The following GRID2 variants were observed in gnomAD, a reference collection of about 807,000 sequenced individuals.
GRID2 encodes glutamate ionotropic receptor delta type subunit 2.
GRID2 carries 33 observed loss-of-function variants against 114.8 expected under a neutral mutation model. That is an observed-to-expected ratio of 0.29 (90% CI 0.22 to 0.38). The LOEUF is 0.38. Among genes scored for constraint, GRID2 ranks in the 10% least tolerant of loss-of-function variants. The pLI, the probability that GRID2 is intolerant of heterozygous loss-of-function variation, is 1.00. For missense variants in GRID2, 1,184 were observed against 1,257.7 expected, an observed-to-expected ratio of 0.94 and a Z score of 0.89; for synonymous variants, 505 against 449.9, an observed-to-expected ratio of 1.12 and a Z score of -1.55.
At chr4:93,186,755 T>G (rs1174115874) in intron 4 of GRID2, among the ~76,000 whole-genome samples, 15 of 152,242 alleles carry the variant, frequency 9.9e-5, no homozygotes, top group Admixed American at 9.8e-4. Context: ...CACATGAAGT[T>G]ACCCTTACCC....
At chr4:93,116,829 C>A (rs1733313936) in intron 4 of GRID2, among the ~76,000 whole-genome samples, 1 of 151,662 alleles carries the variant, frequency 6.6e-6, no homozygotes, top group Non-Finnish European at 1.5e-5. Context: ...CTGTTGGCCA[C>A]AAGTTCAATG....
intron 2 of GRID2, among the ~76,000 whole-genome samples, chr4:93,044,919 C>A (rs1184786793): frequency 6.6e-6 from 1 of 152,038 alleles, no homozygotes; most frequent in Non-Finnish European, 1.5e-5. Context: ...CTTTAGGACA[C>A]TCAGAAAAGA....
At chr4:92,645,956 A>G (rs893228206) in intron 2 of GRID2, among the ~76,000 whole-genome samples, 10 of 151,770 alleles carry the variant, frequency 6.6e-5, no homozygotes, top group Non-Finnish European at 1.0e-4. Context: ...AAACGCATTC[A>G]CTTTTCTTGC....
At position 92,996,312 on chromosome 4, in the gene GRID2, A is replaced by T. The variant is rs187685673; in HGVS notation, c.245-88683A>T. On this transcript the variant is annotated intron_variant, in intron 2 of 15. Transcript: ENST00000282020. ...CTCTTTCTAAAAAAAAAAATAAAAA[A>T]AATAAAAAATAATAATCTTATTTCG... Among the ~76,000 whole-genome samples, 671 of 152,152 alleles carry T rather than the reference A, an allele frequency of 4.4e-3. 18 individuals carry two copies. The East Asian group carries it at 0.057, about 13-fold the overall frequency.
chr4:92,695,706 T>C (rs375280731), intron 2 of GRID2, among the ~76,000 whole-genome samples: 25 of 152,314 alleles, frequency 1.6e-4, no homozygotes, highest in African/African-American at 5.5e-4. Flanking sequence ...TCTTTTCCTA[T>C]GTTCATTGGA....
intron 1 of GRID2, among the ~76,000 whole-genome samples, chr4:92,544,634 C>A (rs1726148698): frequency 6.6e-6 from 1 of 152,106 alleles, no homozygotes; most frequent in South Asian, 2.1e-4. Flanking sequence ...TCAGCCTTTT[C>A]ATTTCCAGAA....
chr4:93,390,584 C>T (rs1386728230), intron 8 of GRID2, among the ~76,000 whole-genome samples: 2 of 152,116 alleles, frequency 1.3e-5, no homozygotes, highest in Non-Finnish European at 2.9e-5. Flanking sequence ...CTCAATCAGT[C>T]TTCTTCTAGA....
intron 2 of GRID2, among the ~76,000 whole-genome samples, chr4:92,868,532 T>C (rs1745062182): frequency 6.6e-6 from 1 of 152,168 alleles, no homozygotes; most frequent in Admixed American, 6.5e-5. Flanking sequence ...AAGATTAAAA[T>C]AGAAACAAGT....
chr4:92,305,646 T>G (rs991808075), intron 1 of GRID2, among the ~76,000 whole-genome samples: 8 of 151,944 alleles, frequency 5.3e-5, no homozygotes, highest in Non-Finnish European at 7.4e-5. Context: ...GAGATGCTGG[T>G]GGCCCCACCT....
chr4:93,572,248 A>G (rs1332449813), intron 13 of GRID2, among the ~76,000 whole-genome samples: 2 of 152,120 alleles, frequency 1.3e-5, no homozygotes, highest in Non-Finnish European at 2.9e-5. Context: ...TGTGTAATTC[A>G]CCCTTTCAAA....
intron 2 of GRID2, among the ~76,000 whole-genome samples, chr4:92,649,959 T>C (rs2149260914): frequency 6.6e-6 from 1 of 152,100 alleles, no homozygotes; most frequent in Non-Finnish European, 1.5e-5. Context: ...AAAGGGTTTA[T>C]CAGACATAAC....
At chr4:93,414,422 C>T (rs1580002580) in intron 9 of GRID2, among the ~76,000 whole-genome samples, 1 of 152,096 alleles carries the variant, frequency 6.6e-6, no homozygotes, top group Non-Finnish European at 1.5e-5. Context: ...TGAAGCTCTG[C>T]CCCATCCAAA....
intron 12 of GRID2, among the ~76,000 whole-genome samples, chr4:93,495,256 A>G (rs2149465831): frequency 6.6e-6 from 1 of 151,982 alleles, no homozygotes; most frequent in East Asian, 1.9e-4. Context: ...TGATACAGAA[A>G]GAGATCCATA....
chr4:92,653,696 C>A (rs1052879692), intron 2 of GRID2, among the ~76,000 whole-genome samples: 3 of 152,036 alleles, frequency 2.0e-5, no homozygotes, highest in African/African-American at 4.8e-5. Context: ...AGCTATAAAA[C>A]AATAGTGAGC....
chr4:92,908,417 G>C (rs900036317), intron 2 of GRID2, among the ~76,000 whole-genome samples: 1 of 152,040 alleles, frequency 6.6e-6, no homozygotes, highest in Middle Eastern at 3.2e-3. Flanking sequence ...CAAAGACACT[G>C]AAAAGCAAGA....
At chr4:92,877,840 G>A (rs1415594996) in intron 2 of GRID2, among the ~76,000 whole-genome samples, 1 of 152,092 alleles carries the variant, frequency 6.6e-6, no homozygotes, top group African/African-American at 2.4e-5. Flanking sequence ...TTCAAGATTG[G>A]GGAGGCTTTT....
chr4:93,401,926 C>CTT (rs34607839), intron 9 of GRID2, among the ~76,000 whole-genome samples: 4 of 143,070 alleles, frequency 2.8e-5, no homozygotes, highest in South Asian at 4.4e-4. Context: ...TTTGGAATTT[C>CTT]TTTTTTTTTT....
intron 2 of GRID2, among the ~76,000 whole-genome samples, chr4:92,667,466 A>C (rs1732844848): frequency 6.6e-6 from 1 of 150,916 alleles, no homozygotes; most frequent in Non-Finnish European, 1.5e-5. Context: ...TATTATTAGA[A>C]GATACACATT....
At chr4:92,311,081 A>C (rs1725682367) in intron 1 of GRID2, among the ~76,000 whole-genome samples, 1 of 152,022 alleles carries the variant, frequency 6.6e-6, no homozygotes, top group South Asian at 2.1e-4. Context: ...TATTAGTACC[A>C]AGGTGTTACC....
Sources: allele counts gnomAD v4.1 joint callset (sites outside exome capture counted in the v4.1 genomes callset), GRCh38; gene constraint gnomAD v4.1.1; transcripts MANE v1.5; gene names NCBI Gene and HGNC (gene_info 2026-07-23, HGNC 2026-07-21).